ZRANB3: variants seen among roughly 807,000 people sequenced by gnomAD.
ZRANB3 encodes the protein DNA annealing helicase and endonuclease ZRANB3.
In ZRANB3, 125 loss-of-function variants were observed where a neutral mutation model predicts 133.8. The observed-to-expected ratio is 0.93, with a 90% CI of 0.81 to 1.08. The LOEUF is 1.08. ZRANB3 is among the 50% of genes least tolerant of loss of function. The probability of loss-of-function intolerance (pLI) is 0.00; values close to 1 mark genes in which losing one functional copy is unlikely to be tolerated. For synonymous variants in ZRANB3, 387 were observed against 432.7 expected, an observed-to-expected ratio of 0.89 and a Z score of 1.31; for missense variants, 1,229 against 1,275.5, an observed-to-expected ratio of 0.96 and a Z score of 0.56.
chr2:135,213,136 T>C (rs979082361), intron 17 of ZRANB3, among the ~76,000 whole-genome samples: 9 of 152,198 alleles, frequency 5.9e-5, no homozygotes, highest in Non-Finnish European at 4.4e-5. Flanking sequence ...TCAGAACCAT[T>C]CAGTACTTTT....
chr2:135,458,796 A>G (rs1690638914), intron 2 of ZRANB3, among the ~76,000 whole-genome samples: 1 of 152,124 alleles, frequency 6.6e-6, no homozygotes, highest in African/African-American at 2.4e-5. Context: ...TTGTAGGGTG[A>G]TATGTGCTAA....
chr2:135,333,433 T>A (rs1425487512), intron 6 of ZRANB3, among the ~76,000 whole-genome samples: 1 of 152,194 alleles, frequency 6.6e-6, no homozygotes, highest in Non-Finnish European at 1.5e-5. Context: ...TGCCTGAATA[T>A]GCACACAGTT....
intron 6 of ZRANB3, among the ~76,000 whole-genome samples, chr2:135,332,943 G>GA (rs1006201837): frequency 1.3e-5 from 2 of 152,104 alleles, no homozygotes; most frequent in African/African-American, 4.8e-5. Context: ...ATAAGCTGTT[G>GA]AAAAAATCCA....
intron 2 of ZRANB3, among the ~76,000 whole-genome samples, chr2:135,470,867 T>C (rs1190379511): frequency 6.7e-6 from 1 of 148,800 alleles, no homozygotes; most frequent in Admixed American, 6.8e-5. Flanking sequence ...AGTGGCGCAA[T>C]CTCGACTCAC....
At chr2:135,409,313 T>A (rs2104951849) in intron 2 of ZRANB3, among the ~76,000 whole-genome samples, 1 of 152,286 alleles carries the variant, frequency 6.6e-6, no homozygotes, top group African/African-American at 2.4e-5. Flanking sequence ...CATTGGGGAT[T>A]ACATTTCAAC....
At chr2:135,397,857 T>C (rs945917655) in intron 2 of ZRANB3, among the ~76,000 whole-genome samples, 5 of 152,152 alleles carry the variant, frequency 3.3e-5, no homozygotes, top group Non-Finnish European at 7.3e-5. Flanking sequence ...CATGTAACCC[T>C]TTCCCTTACC....
Position 135,296,141 on chromosome 2 carries a change from G to C in ZRANB3, c.966+17348C>G, listed in dbSNP as rs559248492. On this transcript the variant is annotated intron_variant, in intron 8 of 20. Coordinates refer to ENST00000264159, the MANE Select transcript of ZRANB3 (RefSeq NM_032143.4). ...TGTTGGCCTGCCTTGCTAGATTGGG[G>C]AAGTTCTCCTGGATAATATCCTGCA... 5.3e-5 allele frequency among the ~76,000 whole-genome samples: 8 copies of C among 152,290 alleles called. No homozygotes were observed. The East Asian group carries it at 1.3e-3, about 26-fold the overall frequency.
At chr2:135,248,650 A>G (rs939718214) in intron 12 of ZRANB3, among the ~76,000 whole-genome samples, 1 of 152,238 alleles carries the variant, frequency 6.6e-6, no homozygotes, top group East Asian at 1.9e-4. Context: ...TCATGGCTAT[A>G]ATCTCAGCAC....
chr2:135,473,378 G>T (rs1166458471), intron 2 of ZRANB3, among the ~76,000 whole-genome samples: 1 of 152,020 alleles, frequency 6.6e-6, no homozygotes, highest in Non-Finnish European at 1.5e-5. Context: ...TATGATCAAA[G>T]AATTTGAGCT....
At chr2:135,237,798 G>C (rs932130376) in intron 12 of ZRANB3, among the ~76,000 whole-genome samples, 1 of 152,016 alleles carries the variant, frequency 6.6e-6, no homozygotes, top group Non-Finnish European at 1.5e-5. Flanking sequence ...TTGTGGGGTG[G>C]GGGAAGGGGG....
chr2:135,258,937 T>C (rs1448124955), intron 12 of ZRANB3, among the ~76,000 whole-genome samples: 3 of 152,214 alleles, frequency 2.0e-5, no homozygotes, highest in African/African-American at 7.2e-5. Context: ...ATACGAGACA[T>C]TTTTAACTTG....
At chr2:135,420,182 A>G (rs1688781385) in intron 2 of ZRANB3, among the ~76,000 whole-genome samples, 1 of 148,786 alleles carries the variant, frequency 6.7e-6, no homozygotes, top group African/African-American at 2.4e-5. Flanking sequence ...TTCTGCCTCC[A>G]GAGTTGCCAG....
intron 13 of ZRANB3, among the ~76,000 whole-genome samples, chr2:135,229,167 G>A (rs910369809): frequency 1.3e-5 from 2 of 152,192 alleles, no homozygotes; most frequent in Non-Finnish European, 1.5e-5. Flanking sequence ...CAGACAACAG[G>A]TGCCCACATA....
intron 6 of ZRANB3, among the ~76,000 whole-genome samples, chr2:135,317,023 C>A: frequency 1.4e-5 from 2 of 146,754 alleles, no homozygotes; most frequent in African/African-American, 5.0e-5. Context: ...GAGTCAATTA[C>A]ATAAGTATAG....
chr2:135,468,183 C>T (rs1223658934), intron 2 of ZRANB3, among the ~76,000 whole-genome samples: 3 of 152,068 alleles, frequency 2.0e-5, no homozygotes, highest in African/African-American at 4.8e-5. Context: ...CTCTAATTAC[C>T]GCAAAATTTT....
At chr2:135,209,948 G>C (rs1264322044) in intron 17 of ZRANB3, among the ~76,000 whole-genome samples, 1 of 152,058 alleles carries the variant, frequency 6.6e-6, no homozygotes, top group Non-Finnish European at 1.5e-5. Flanking sequence ...ATTAATTTTT[G>C]ATTAGGTGAT....
intron 17 of ZRANB3, among the ~76,000 whole-genome samples, chr2:135,215,131 T>A (rs1186880814): frequency 6.6e-6 from 1 of 152,156 alleles, no homozygotes; most frequent in African/African-American, 2.4e-5. Context: ...TTGACCAGTC[T>A]CGTCTCAAGC....
chr2:135,399,008 A>G (rs964695837), intron 2 of ZRANB3, among the ~76,000 whole-genome samples: 1 of 152,222 alleles, frequency 6.6e-6, no homozygotes, highest in Non-Finnish European at 1.5e-5. Context: ...TCACATCCAT[A>G]GTGTGACTGT....
intron 12 of ZRANB3, among the ~76,000 whole-genome samples, chr2:135,259,901 CTAGA>C (rs1264736452): frequency 6.6e-6 from 1 of 151,596 alleles, no homozygotes; most frequent in East Asian, 1.9e-4. Context: ...ACTCAAATGG[CTAGA>C]TAAATAATGT....
Sources: gnomAD v4.1 joint callset for allele counts (sites outside exome capture counted in the v4.1 genomes callset) on GRCh38, gnomAD v4.1.1 for gene constraint, MANE v1.5 for transcripts, NCBI Gene and HGNC (gene_info 2026-07-23, HGNC 2026-07-21) for gene names.